The following PUS3 variants were observed in gnomAD, a reference collection of about 807,000 sequenced individuals.
PUS3 encodes tRNA pseudouridine(38/39) synthase.
Under a neutral mutation model 43.3 loss-of-function variants are expected in PUS3, and 36 were observed. That is an observed-to-expected ratio of 0.83 (90% confidence interval 0.64 to 1.10). PUS3 has a LOEUF of 1.10. PUS3 is among the 50% of genes least tolerant of loss of function. The pLI, the probability that PUS3 is intolerant of heterozygous loss-of-function variation, is 0.00. For synonymous variants in PUS3, 183 were observed against 199.2 expected (o/e 0.92, Z 0.69); for missense variants, 544 against 589.9 (o/e 0.92, Z 0.81).
In PUS3 at chr11:125,895,702, C is replaced by G; in HGVS notation, c.466G>C (p.Glu156Gln). 1 of 1,614,040 alleles carries G rather than the reference C, an allele frequency of 6.2e-7. No homozygotes were observed. Among genetic ancestry groups the G allele is most frequent in the Non-Finnish European group, 8.5e-7 (1 of 1,180,018 alleles). ...NVKEEANAAA[E>Q]EIRYTHILNR... The stretch of plus-strand genomic sequence containing the variant: ...AGAATGTGGGTATAACGGATCTCTT[C>G]AGCAGCAGCATTAGCCTCCTCTTTT... The change falls in exon 3 of 4, where the codon GAA becomes CAA. Residue 156 changes from glutamate to glutamine, a missense_variant. Glu to Gln is a conservative substitution (Grantham distance 29, BLOSUM62 2). Transcript: ENST00000227474.
rs766057732 is a variant in PUS3 at position 125,895,613 on chromosome 11, A to C, written c.555T>G (p.Ser185Arg). 6.2e-7 allele frequency: 1 copy of C among 1,614,252 alleles called. No homozygotes were observed. Among genetic ancestry groups the C allele is most frequent in the East Asian group, 2.2e-5 (1 of 44,890 alleles). ...TCCGCTCAAGGCAGCTGAACCTAGC[A>C]CTGAAGCTTGGTTCTACAGGGGCCC... Reference protein sequence around the residue: ...LAWAPVEPSFSARFSCLERTY... With the variant: ...LAWAPVEPSFRARFSCLERTY... Residue 185 changes from serine (S) to arginine (R), a missense_variant, in exon 3 of 4, where the codon AGT becomes AGG. Ser to Arg is a moderately radical substitution (Grantham distance 110). Coordinates refer to ENST00000227474, the MANE Select transcript of PUS3 (RefSeq NM_031307.4).
Position 125,896,319 on chromosome 11 carries a change from G to A in PUS3, c.-35C>T. Reference sequence around the variant, plus strand: ...ACCCCAGGAATAAACGAACCATACAGGTCTGCCCTGTCTGAAAAGAGAGCA... The same window carrying A: ...ACCCCAGGAATAAACGAACCATACAAGTCTGCCCTGTCTGAAAAGAGAGCA... On this transcript the variant is annotated 5_prime_UTR_variant, in exon 2 of 4. Transcript: ENST00000227474. 1 of 1,543,760 alleles carries A rather than the reference G, an allele frequency of 6.5e-7. No individual in the cohort carries two copies.
chr11:125,901,462 A>G (rs1343458309), intron 1 of PUS3, among the ~76,000 whole-genome samples: 1 of 152,194 alleles, frequency 6.6e-6, no homozygotes, highest in African/African-American at 2.4e-5. Context: ...TTCTGACCCA[A>G]CGGGGACCAT....
intron 1 of PUS3, chr11:125,900,093 GAGAGC>G: frequency 6.2e-7 from 1 of 1,614,182 alleles, no homozygotes; most frequent in Non-Finnish European, 8.5e-7. Flanking sequence ...TGGGGTGTCC[GAGAGC>G]AGATGCTTTG....
chr11:125,899,043 A>G (rs1230147161), intron 1 of PUS3: 14 of 289,506 alleles, frequency 4.8e-5, no homozygotes, highest in Non-Finnish European at 7.2e-5. Flanking sequence ...ATTAAGCAGT[A>G]TGCCCCATAT....
At chr11:125,898,332 T>C (rs1944653117) in intron 1 of PUS3, among the ~76,000 whole-genome samples, 1 of 152,312 alleles carries the variant, frequency 6.6e-6, no homozygotes, top group African/African-American at 2.4e-5. Context: ...TTGATGTGGA[T>C]ACCAAGTTAT....
rs191392414 is a variant in PUS3 at position 125,898,599 on chromosome 11, C to T, written c.-46-2269G>A. On this transcript the variant is annotated intron_variant, in intron 1 of 3. Coordinates refer to ENST00000227474, the MANE Select transcript of PUS3 (RefSeq NM_031307.4). ...GTCTTAGACAGGATAATCGCTTGAA[C>T]CCAGGAGGTGGAGGTTGCAATGAGC... Among the ~76,000 whole-genome samples, 4 of 152,160 alleles carry T rather than the reference C, an allele frequency of 2.6e-5. No individual in the cohort carries two copies. The East Asian group carries it at 7.7e-4, about 29-fold the overall frequency.
intron 3 of PUS3, among the ~76,000 whole-genome samples, 188 bp from the exon 4 acceptor site, chr11:125,894,474 G>C (rs1944514300): frequency 6.6e-6 from 1 of 152,108 alleles, no homozygotes; most frequent in Non-Finnish European, 1.5e-5. Flanking sequence ...AATGAAAAAT[G>C]CAACAAATCA....
rs761160037 is a variant in PUS3, at chr11:125,896,106, T to C, written c.179A>G (p.His60Arg). ...KTKRAFDFSA[H>R]GRRHVALRIA... Reference sequence around the variant, plus strand: ...TCTTAGGGCTACGTGTCTTCGGCCATGAGCACTGAAATCAAATGCACGCTT... The same window carrying C: ...TCTTAGGGCTACGTGTCTTCGGCCACGAGCACTGAAATCAAATGCACGCTT... The change falls in exon 2 of 4, where the codon CAT (histidine) becomes CGT (arginine). Residue 60 changes from histidine (H) to arginine (R), a missense_variant. By Grantham distance (29) the His-to-Arg change is conservative. Coordinates refer to ENST00000227474, the MANE Select transcript of PUS3 (RefSeq NM_031307.4). 6 of 1,614,132 alleles carry C rather than the reference T, an allele frequency of 3.7e-6. No individual in the cohort carries two copies. Among genetic ancestry groups the C allele is most frequent in the Admixed American group, 1.7e-5 (1 of 60,008 alleles).
rs1397135850 is a variant in PUS3 at position 125,895,227 on chromosome 11, T to C, written c.941A>G (p.Tyr314Cys). 12 of 1,581,432 alleles carry C rather than the reference T, an allele frequency of 7.6e-6. No individual in the cohort carries two copies. The highest frequency in any genetic ancestry group is 1.0e-5 in the Non-Finnish European group (12 of 1,167,194). Residue 314 changes from tyrosine to cysteine, a missense_variant, in exon 3 of 4, where the codon TAT becomes TGT. By Grantham distance (194) the Tyr-to-Cys change is radical. Transcript: ENST00000227474. ...NIEKNPQKPQ[Y>C]SMAVEFPLVL... ...TTATTTTTTATTTTTAACTCACCTA[T>C]ATTGAGGCTTTTGGGGATTTTTCTC... is the stretch of plus-strand genomic sequence containing the variant.
At chr11:125,900,341 C>A (rs946520361) in intron 1 of PUS3, 87 of 1,444,658 alleles carry the variant, frequency 6.0e-5, no homozygotes, top group Non-Finnish European at 5.3e-5. Context: ...TAAATAGAAA[C>A]AACTGTCTTG....
intron 3 of PUS3, among the ~76,000 whole-genome samples, chr11:125,894,526 A>C (rs1475196580): frequency 6.6e-6 from 1 of 152,228 alleles, no homozygotes; most frequent in Non-Finnish European, 1.5e-5. Flanking sequence ...CAGTGCTAAC[A>C]AGACATGGCT....
chr11:125,898,375 A>T (rs1459171202), intron 1 of PUS3, among the ~76,000 whole-genome samples: 3 of 152,210 alleles, frequency 2.0e-5, no homozygotes, highest in Admixed American at 6.5e-5. Context: ...TTTAGCTGGC[A>T]ACTGAAGATG....
intron 1 of PUS3, chr11:125,899,040 A>C (rs1591506340): frequency 7.2e-6 from 2 of 279,432 alleles, no homozygotes; most frequent in East Asian, 1.4e-4. Context: ...TGCATTAAGC[A>C]GTATGCCCCA....
Position 125,895,655 on chromosome 11 carries a change from G to A in PUS3, c.513C>T (p.Asp171=), listed in dbSNP as rs1327627752. 2 of 1,614,234 alleles carry A rather than the reference G, an allele frequency of 1.2e-6. No homozygotes were observed. The highest frequency in any genetic ancestry group is 8.5e-7 in the Non-Finnish European group (1 of 1,180,042). The change falls in exon 3 of 4, where the codon GAC becomes GAT. Residue 171 remains aspartate (D), a synonymous_variant. Coordinates refer to ENST00000227474, the MANE Select transcript of PUS3 (RefSeq NM_031307.4). ...THILNRVLPP[D]IRILAWAPVE... ...CAGGGGCCCAGGCCAATATACGGAT[G>A]TCTGGAGGGAGTACCCGATTGAGAA...
At chr11:125,902,117 A>C (rs1223475692) in intron 1 of PUS3, among the ~76,000 whole-genome samples, 1 of 152,168 alleles carries the variant, frequency 6.6e-6, no homozygotes, top group African/African-American at 2.4e-5. Context: ...TTGTGGCAAA[A>C]ACAGGACTTG....
At chr11:125,899,335 C>G in intron 1 of PUS3, 1 of 1,596,820 alleles carries the variant, frequency 6.3e-7, no homozygotes, top group East Asian at 2.2e-5. Flanking sequence ...CCAATGTTAT[C>G]TCTTGCAGAA....
chr11:125,896,402 A>G (rs549531567), intron 1 of PUS3, 72 bp from the exon 2 acceptor site: 2 of 988,672 alleles, frequency 2.0e-6, no homozygotes, highest in East Asian at 2.5e-5. Context: ...GGTATATAAG[A>G]TTTAATTTAA....
At chr11:125,900,570 T>C in intron 1 of PUS3, 1 of 384,470 alleles carries the variant, frequency 2.6e-6, no homozygotes, top group South Asian at 2.5e-5. Flanking sequence ...CCTATCAATA[T>C]GAGTTGCTGT....
Sources: gnomAD v4.1 joint callset for allele counts (sites outside exome capture counted in the v4.1 genomes callset) on GRCh38, gnomAD v4.1.1 for gene constraint, MANE v1.5 for transcripts, NCBI Gene and HGNC (gene_info 2026-07-23, HGNC 2026-07-21) for gene names.